The following ADAM12 variants were observed in gnomAD, a reference collection of about 807,000 sequenced individuals.
ADAM12 encodes disintegrin and metalloproteinase domain-containing protein 12.
In ADAM12, 70 loss-of-function variants were observed where a neutral mutation model predicts 106.4. The observed-to-expected ratio is 0.66, with a 90% CI of 0.54 to 0.80. The LOEUF (loss-of-function observed/expected upper bound fraction) is 0.80. ADAM12 is among the 30% of genes least tolerant of loss of function. ADAM12 has a pLI of 0.00. For synonymous variants in ADAM12, 420 were observed against 433.5 expected, an observed-to-expected ratio of 0.97 and a Z score of 0.39; for missense variants, 1,010 against 1,171.9, an observed-to-expected ratio of 0.86 and a Z score of 2.02.
chr10:126,288,461 G>A (rs1039787171), intron 2 of ADAM12, among the ~76,000 whole-genome samples: 1 of 152,132 alleles, frequency 6.6e-6, no homozygotes, highest in African/African-American at 2.4e-5. Flanking sequence ...AGGGTGAGGC[G>A]GCAGCAGCAA....
At chr10:126,075,101 C>T (rs1955073663) in intron 11 of ADAM12, among the ~76,000 whole-genome samples, 1 of 152,132 alleles carries the variant, frequency 6.6e-6, no homozygotes, top group African/African-American at 2.4e-5. Context: ...CTGGGTCAGC[C>T]AATATCGCTA....
chr10:126,144,930 C>T (rs11244836), intron 4 of ADAM12, among the ~76,000 whole-genome samples: 49,213 of 151,958 alleles, frequency 0.32, 8,315 homozygotes, highest in Non-Finnish European at 0.38. Flanking sequence ...ACCTGGGTAG[C>T]TGGACTCTGG....
rs528853366 is a variant in ADAM12, at chr10:126,377,105, C to A, written c.88+10953G>T. On this transcript the variant is annotated intron_variant, in intron 1 of 22. Coordinates refer to ENST00000448723, the MANE Select transcript of ADAM12 (RefSeq NM_001288973.2). ...CTAAACCTAGGAAAGTCTGGGCACA[C>A]AGGATGGTTAGTTACTTTCTCAACA... 2.4e-3 allele frequency among the ~76,000 whole-genome samples: 359 copies of A among 152,314 alleles called. 8 individuals are homozygous for A. The South Asian group carries it at 0.024, about 10-fold the overall frequency.
At chr10:126,034,116 G>A (rs61631367) in intron 21 of ADAM12, among the ~76,000 whole-genome samples, 3,138 of 152,292 alleles carry the variant, frequency 0.021, 109 homozygotes, top group African/African-American at 0.069. Context: ...GACCTAAAAG[G>A]TGATAGTTTC....
At chr10:126,260,677 C>T (rs10047263) in intron 3 of ADAM12, among the ~76,000 whole-genome samples, 115,908 of 152,060 alleles carry the variant, frequency 0.76, 45,086 homozygotes, top group East Asian at 0.85. Flanking sequence ...ATGACAGCCA[C>T]GGCACTTAAG....
chr10:126,335,040 C>T (rs193240175), intron 1 of ADAM12, among the ~76,000 whole-genome samples: 10 of 152,320 alleles, frequency 6.6e-5, no homozygotes, highest in Non-Finnish European at 1.3e-4. Flanking sequence ...AAAGCGCTTT[C>T]GAAAAGCTTA....
In ADAM12 at chr10:126,198,507, G is replaced by A. The variant is rs757453118; in HGVS notation, c.261-43202C>T. Among the ~76,000 whole-genome samples, 43 of 152,270 alleles carry A rather than the reference G, an allele frequency of 2.8e-4. 1 individual carries two copies. The highest frequency in any genetic ancestry group is 1.7e-3 in the Admixed American group (26 of 15,290). On this transcript the variant is annotated intron_variant, in intron 3 of 22. Transcript: ENST00000448723. ...AATATTTGCTATCTGGTTTGTGGAC[G>A]CAAAATGTGCAACCAGGGCCAGTGT... is the stretch of plus-strand genomic sequence containing the variant.
At chr10:126,371,846 G>C (rs914280024) in intron 1 of ADAM12, among the ~76,000 whole-genome samples, 5 of 152,174 alleles carry the variant, frequency 3.3e-5, no homozygotes, top group African/African-American at 9.7e-5. Flanking sequence ...GAAGCTGAAG[G>C]CTAGGAAAAT....
intron 4 of ADAM12, among the ~76,000 whole-genome samples, chr10:126,143,284 ATG>A (rs140327815): frequency 0.21 from 29,370 of 139,702 alleles, 3,260 homozygotes; most frequent in Non-Finnish European, 0.27. Context: ...ATGGGTATGC[ATG>A]TGTGTGTGTG....
At chr10:126,030,870 G>C (rs556983644) in intron 21 of ADAM12, among the ~76,000 whole-genome samples, 2 of 152,336 alleles carry the variant, frequency 1.3e-5, no homozygotes, top group East Asian at 3.9e-4. Context: ...ATCCGTAACT[G>C]AGTGTGATGG....
At chr10:126,281,724 C>T (rs1389561377) in intron 2 of ADAM12, among the ~76,000 whole-genome samples, 1 of 152,138 alleles carries the variant, frequency 6.6e-6, no homozygotes, top group Non-Finnish European at 1.5e-5. Flanking sequence ...ATACGGCATT[C>T]CTTTTCTTAA....
chr10:126,220,523 A>G (rs1312718922), intron 3 of ADAM12, among the ~76,000 whole-genome samples: 1 of 152,196 alleles, frequency 6.6e-6, no homozygotes, highest in Non-Finnish European at 1.5e-5. Context: ...AATTCATTCT[A>G]AAATGATTTT....
At chr10:126,377,845 G>A (rs1341168417) in intron 1 of ADAM12, among the ~76,000 whole-genome samples, 1 of 152,130 alleles carries the variant, frequency 6.6e-6, no homozygotes, top group Non-Finnish European at 1.5e-5. Context: ...CAGATGGGGG[G>A]AAACAGACAT....
intron 3 of ADAM12, among the ~76,000 whole-genome samples, chr10:126,182,519 C>T (rs945784551): frequency 1.4e-4 from 22 of 152,078 alleles, no homozygotes; most frequent in African/African-American, 4.6e-4. Context: ...AGACAAAAGA[C>T]GTAAAAGCAT....
In ADAM12 at chr10:126,216,031, T is replaced by C. The variant is rs116263909; in HGVS notation, c.261-60726A>G. Among the ~76,000 whole-genome samples the C allele has an allele frequency of 5.1e-3, 771 of 152,340 alleles. 8 individuals are homozygous for C. Among genetic ancestry groups the C allele is most frequent in the African/African-American group, 0.018 (744 of 41,574 alleles). ...TCCCTTTCCCCAAGTCATATGACTG[T>C]GGCCTTTTGTTTTCCCCTTTCGAGG... On this transcript the variant is annotated intron_variant, in intron 3 of 22. Transcript: ENST00000448723.
chr10:126,133,783 C>T (rs11244824), intron 5 of ADAM12, among the ~76,000 whole-genome samples: 6,655 of 152,232 alleles, frequency 0.044, 213 homozygotes, highest in Non-Finnish European at 0.066. Context: ...CTGGCCACCT[C>T]GCTGCTCTGG....
chr10:126,201,463 A>C (rs1173231585), intron 3 of ADAM12, among the ~76,000 whole-genome samples: 4 of 152,178 alleles, frequency 2.6e-5, no homozygotes, highest in Non-Finnish European at 5.9e-5. Context: ...AAGCACCAGA[A>C]GCTGGAAGAG....
chr10:126,337,882 G>A (rs1036455579), intron 1 of ADAM12, among the ~76,000 whole-genome samples: 1 of 152,062 alleles, frequency 6.6e-6, no homozygotes, highest in African/African-American at 2.4e-5. Flanking sequence ...ATGTATTTCT[G>A]GCTTTTCTAT....
chr10:126,271,435 C>T (rs1224149402), intron 3 of ADAM12, among the ~76,000 whole-genome samples: 2 of 152,182 alleles, frequency 1.3e-5, no homozygotes, highest in African/African-American at 4.8e-5. Flanking sequence ...TTGACCACAC[C>T]CGCTCTACCC....
Sources: gnomAD v4.1 joint callset for allele counts (sites outside exome capture counted in the v4.1 genomes callset) on GRCh38, gnomAD v4.1.1 for gene constraint, MANE v1.5 for transcripts, NCBI Gene and HGNC (gene_info 2026-07-23, HGNC 2026-07-21) for gene names.